GPC5: variants seen among roughly 807,000 people sequenced by gnomAD.
GPC5 encodes glypican-5.
Under a neutral mutation model 53.9 loss-of-function variants are expected in GPC5, and 47 were observed. The ratio of observed to expected loss-of-function variants is 0.87; its 90% CI spans 0.69 to 1.11. The LOEUF is 1.11. Among genes scored for constraint, GPC5 ranks in the 50% most tolerant of loss-of-function variants. The pLI is 0.00. For synonymous variants in GPC5, 286 were observed against 263.3 expected, an observed-to-expected ratio of 1.09 and a Z score of -0.84; for missense variants, 748 against 713.1, an observed-to-expected ratio of 1.05 and a Z score of -0.56.
intron 7 of GPC5, among the ~76,000 whole-genome samples, chr13:92,696,782 T>C (rs1887570506): frequency 6.6e-6 from 1 of 152,226 alleles, no homozygotes; most frequent in South Asian, 2.1e-4. Flanking sequence ...CATGCCTACA[T>C]CTTGAATGGT....
intron 7 of GPC5, among the ~76,000 whole-genome samples, chr13:92,396,788 G>T (rs1875299674): frequency 6.6e-6 from 1 of 152,206 alleles, no homozygotes. Flanking sequence ...TCGCTGTCTT[G>T]TAGAGGGCCT....
intron 6 of GPC5, among the ~76,000 whole-genome samples, chr13:92,077,559 C>G (rs953676633): frequency 6.6e-6 from 1 of 152,092 alleles, no homozygotes; most frequent in Non-Finnish European, 1.5e-5. Flanking sequence ...AAAAGAGTTC[C>G]TGAATGGCAG....
At chr13:91,562,394 A>G (rs143228547) in intron 2 of GPC5, among the ~76,000 whole-genome samples, 106 of 152,136 alleles carry the variant, frequency 7.0e-4, no homozygotes, top group Admixed American at 2.2e-3. Context: ...ATATTTAGGA[A>G]AAGAAATCAT....
rs551969388 is a variant in GPC5, at chr13:91,839,892, G to C, written c.1281-68045G>C. On this transcript the variant is annotated intron_variant, in intron 5 of 7. Coordinates refer to ENST00000377067, the MANE Select transcript of GPC5 (RefSeq NM_004466.6). Reference sequence around the variant, plus strand: ...TCATACACAATTCCATGGCAATGCTGTTAGACATCATGGCAACGAAGGCAT... The same window carrying C: ...TCATACACAATTCCATGGCAATGCTCTTAGACATCATGGCAACGAAGGCAT... Among the ~76,000 whole-genome samples the C allele has an allele frequency of 4.6e-5, 7 of 152,142 alleles. No homozygotes were observed. The East Asian group carries it at 9.7e-4, about 21-fold the overall frequency.
At chr13:92,328,147 CTT>C (rs2043264752) in intron 7 of GPC5, among the ~76,000 whole-genome samples, 1 of 152,152 alleles carries the variant, frequency 6.6e-6, no homozygotes, top group Non-Finnish European at 1.5e-5. Context: ...GGAAATAGGA[CTT>C]TTTCACTTTG....
rs1210376486 is a variant in GPC5 at position 91,873,031 on chromosome 13, T to C, written c.1281-34906T>C. On this transcript the variant is annotated intron_variant, in intron 5 of 7. Transcript: ENST00000377067. Reference sequence around the variant, plus strand: ...CTTTCTTACACCAAAAGTGAATGCATAGATGCAGTATTTTTCTATCAGTAA... The same window carrying C: ...CTTTCTTACACCAAAAGTGAATGCACAGATGCAGTATTTTTCTATCAGTAA... Among the ~76,000 whole-genome samples the C allele has an allele frequency of 3.9e-5, 6 of 152,240 alleles. No individual in the cohort carries two copies. In the South Asian group the frequency reaches 8.3e-4, roughly 21 times the overall value.
chr13:92,757,501 A>G (rs948464933), intron 7 of GPC5, among the ~76,000 whole-genome samples: 1 of 152,206 alleles, frequency 6.6e-6, no homozygotes, highest in African/African-American at 2.4e-5. Context: ...TAAACTAAAG[A>G]GCTTCTGTAC....
chr13:91,763,305 T>C (rs2037453899), intron 5 of GPC5, among the ~76,000 whole-genome samples: 1 of 152,142 alleles, frequency 6.6e-6, no homozygotes, highest in Non-Finnish European at 1.5e-5. Context: ...CATGTACATC[T>C]CATGGTACGC....
chr13:92,259,534 C>A (rs1355341925), intron 7 of GPC5, among the ~76,000 whole-genome samples: 1 of 152,106 alleles, frequency 6.6e-6, no homozygotes, highest in Non-Finnish European at 1.5e-5. Flanking sequence ...AGATTTGATT[C>A]TTTGAATAGT....
At chr13:92,601,054 C>T (rs1158107775) in intron 7 of GPC5, among the ~76,000 whole-genome samples, 3 of 152,090 alleles carry the variant, frequency 2.0e-5, no homozygotes, top group South Asian at 4.1e-4. Flanking sequence ...AATGAAATAC[C>T]TGGCTGAGAA....
intron 7 of GPC5, among the ~76,000 whole-genome samples, chr13:92,654,959 A>G (rs2139172742): frequency 6.6e-6 from 1 of 152,304 alleles, no homozygotes; most frequent in South Asian, 2.1e-4. Flanking sequence ...AGGCACATGG[A>G]GGAGATGCGT....
chr13:92,589,634 T>C (rs1245733397), intron 7 of GPC5, among the ~76,000 whole-genome samples: 2 of 152,232 alleles, frequency 1.3e-5, no homozygotes, highest in Non-Finnish European at 2.9e-5. Context: ...TAGTTACTTT[T>C]CTAAATATTG....
intron 7 of GPC5, among the ~76,000 whole-genome samples, chr13:92,555,339 C>T (rs954070763): frequency 3.3e-4 from 50 of 151,388 alleles, no homozygotes; most frequent in African/African-American, 1.2e-3. Context: ...TAGAAATCCT[C>T]GTTGAAATAT....
At chr13:92,289,259 A>C (rs1455363230) in intron 7 of GPC5, among the ~76,000 whole-genome samples, 1 of 152,098 alleles carries the variant, frequency 6.6e-6, no homozygotes, top group Non-Finnish European at 1.5e-5. Flanking sequence ...GTATTTATCC[A>C]TCTGCCTCTA....
At chr13:92,131,394 G>A (rs1014967294) in intron 6 of GPC5, among the ~76,000 whole-genome samples, 2 of 151,922 alleles carry the variant, frequency 1.3e-5, no homozygotes, top group African/African-American at 4.8e-5. Flanking sequence ...ATATGTATAA[G>A]ATATTCAATT....
At chr13:91,893,394 C>G (rs2039408436) in intron 5 of GPC5, among the ~76,000 whole-genome samples, 1 of 151,986 alleles carries the variant, frequency 6.6e-6, no homozygotes, top group Non-Finnish European at 1.5e-5. Flanking sequence ...AGGTTTATCA[C>G]TATATATTTT....
intron 6 of GPC5, among the ~76,000 whole-genome samples, chr13:92,090,210 G>A (rs879630519): frequency 6.6e-6 from 1 of 152,028 alleles, no homozygotes; most frequent in Non-Finnish European, 1.5e-5. Flanking sequence ...AACTTTTATT[G>A]AAATATTTCT....
chr13:92,338,149 A>C lies in GPC5; in HGVS notation c.1561+193160A>C, dbSNP rs2043337728. On this transcript the variant is annotated intron_variant, in intron 7 of 7. Transcript: ENST00000377067. ...CAACCTGATGAAAAAAATTGGCCAAAGACCTCAAAGGACACCTCATGAAAG... is the reference window on the plus strand; with the variant it reads ...CAACCTGATGAAAAAAATTGGCCAACGACCTCAAAGGACACCTCATGAAAG... 2.0e-5 allele frequency among the ~76,000 whole-genome samples: 3 copies of C among 152,150 alleles called. No homozygotes were observed. In the South Asian group the frequency reaches 6.2e-4, roughly 31 times the overall value.
intron 7 of GPC5, among the ~76,000 whole-genome samples, chr13:92,515,486 T>C (rs1272891199): frequency 6.6e-6 from 1 of 152,206 alleles, no homozygotes; most frequent in Non-Finnish European, 1.5e-5. Flanking sequence ...CCCAGTTAGA[T>C]GCTTGGGAAG....
Sources: allele counts gnomAD v4.1 joint callset (sites outside exome capture counted in the v4.1 genomes callset), GRCh38; gene constraint gnomAD v4.1.1; transcripts MANE v1.5; gene names NCBI Gene and HGNC (gene_info 2026-07-23, HGNC 2026-07-21).